The following CDC20B variants were observed in gnomAD, a reference collection of about 807,000 sequenced individuals.
CDC20B encodes the protein cell division cycle 20B, also known as cell division cycle protein 20 homolog B.
CDC20B carries 58 observed loss-of-function variants against 64.1 expected under a neutral mutation model. The observed-to-expected ratio is 0.90, with a 90% CI of 0.73 to 1.13. The LOEUF is 1.13. Ranked by LOEUF, CDC20B falls within the 50% of genes most tolerant of loss-of-function variation. The pLI is 0.00. For synonymous variants in CDC20B, 243 were observed against 230.6 expected, an observed-to-expected ratio of 1.05 and a Z score of -0.49; for missense variants, 597 against 633.0, an observed-to-expected ratio of 0.94 and a Z score of 0.61.
intron 2 of CDC20B, chr5:55,166,216 T>C (rs1385624775): frequency 6.6e-6 from 1 of 152,330 alleles, no homozygotes; most frequent in Non-Finnish European, 1.5e-5. Context: ...GACTCCCCAC[T>C]GCCAGATGGA....
intron 5 of CDC20B, chr5:55,137,490 T>A: frequency 2.2e-6 from 1 of 454,638 alleles, no homozygotes; most frequent in Non-Finnish European, 4.4e-6. Context: ...ATTACTTGGC[T>A]TATGTGGGAT....
intron 11 of CDC20B, among the ~76,000 whole-genome samples, chr5:55,115,167 G>A (rs867836506): frequency 6.6e-5 from 10 of 152,260 alleles, no homozygotes; most frequent in Middle Eastern, 3.4e-3. Flanking sequence ...GCATGCATGA[G>A]CCACACTTAG....
chr5:55,114,136 T>C lies in CDC20B; in HGVS notation c.*82A>G. ...AGTATTTCAACTTGTTTGATACTCA[T>C]AAAAACCCCATGGAGAAGACATAGC... is the stretch of plus-strand genomic sequence containing the variant. On this transcript the variant is annotated 3_prime_UTR_variant, in exon 12 of 12. Transcript: ENST00000381375. This position sits in a 1 kb window ranked among gnomAD's most constrained non-coding sequence, Gnocchi z 4.1. The C allele has an allele frequency of 6.6e-7, 1 of 1,522,904 alleles. No homozygotes were observed. 94.3% of individuals were successfully genotyped at this position (1,522,904 alleles called of 1,614,324 possible).
At chr5:55,119,707 C>G (rs1382971462) in intron 11 of CDC20B, 94 bp downstream of exon 11, 51 of 777,192 alleles carry the variant, frequency 6.6e-5, no homozygotes, top group Non-Finnish European at 1.1e-4. Flanking sequence ...CTTAGAAAAA[C>G]CAGAAGGATA....
At chr5:55,116,705 C>T (rs1450499757) in intron 11 of CDC20B, among the ~76,000 whole-genome samples, 1 of 152,094 alleles carries the variant, frequency 6.6e-6, no homozygotes, top group African/African-American at 2.4e-5. Context: ...GTCTATTCAA[C>T]AAATGTAATA....
At chr5:55,153,763 C>T (rs887799191) in intron 2 of CDC20B, among the ~76,000 whole-genome samples, 1 of 152,140 alleles carries the variant, frequency 6.6e-6, no homozygotes, top group Non-Finnish European at 1.5e-5. Context: ...AAGTCTGGGA[C>T]AAGGGCCAAA....
rs765099025 is a variant in CDC20B at position 55,127,371 on chromosome 5, GAGTTAT to G, written c.895-26_895-21del. The G allele has an allele frequency of 2.5e-6, 4 of 1,596,666 alleles. No individual in the cohort carries two copies. In the African/African-American group the frequency reaches 5.4e-5, roughly 21 times the overall value. On this transcript the variant is annotated intron_variant, in intron 7 of 11. Transcript: ENST00000381375. ...CCATAACTGAAAAAATGAACAAGGA[GAGTTAT>G]GTAGCATTGGAGTTTTCACAGCCCA...
In CDC20B at chr5:55,143,637, C is replaced by T. The variant is rs1297187074; in HGVS notation, c.362G>A (p.Arg121His). 2 of 1,585,286 alleles carry T rather than the reference C, an allele frequency of 1.3e-6. No individual in the cohort carries two copies. The highest frequency in any genetic ancestry group is 1.2e-5 in the South Asian group (1 of 85,932). ...GCTGGGGGTCTTCAGTTGTTCTTTG[C>T]GGGATCCTACAAGAAAGACATTTAT... ...PEKETLTLGSRKEQLKTPSKG... is the reference protein window; with the variant it reads ...PEKETLTLGSHKEQLKTPSKG... Residue 121 changes from arginine to histidine, a missense_variant, in exon 4 of 12, where the codon CGC (arginine) becomes CAC (histidine). Around this residue, in one of 3 missense-constraint regions of CDC20B, gnomAD observed 241 missense variants for 219.2 expected, o/e 1.10. Coordinates refer to ENST00000381375, the MANE Select transcript of CDC20B (RefSeq NM_001170402.1).
At chr5:55,116,295 C>T (rs1742625453) in intron 11 of CDC20B, among the ~76,000 whole-genome samples, 1 of 152,314 alleles carries the variant, frequency 6.6e-6, no homozygotes, top group Admixed American at 6.5e-5. Flanking sequence ...CCCAGCTACT[C>T]AGGAGGGTCA....
intron 11 of CDC20B, among the ~76,000 whole-genome samples, chr5:55,115,554 T>C (rs1023308394): frequency 2.0e-5 from 3 of 152,026 alleles, no homozygotes; most frequent in African/African-American, 7.3e-5. Context: ...CCAAAATAGG[T>C]GAAGCTGACT....
chr5:55,141,083 T>C (rs551546777), intron 4 of CDC20B, among the ~76,000 whole-genome samples: 5 of 152,304 alleles, frequency 3.3e-5, no homozygotes, highest in African/African-American at 9.6e-5. Context: ...AAAGGTCATG[T>C]TGAGGTCTGG....
chr5:55,166,964 A>C (rs1284682166), intron 2 of CDC20B: 2 of 152,198 alleles, frequency 1.3e-5, no homozygotes, highest in Non-Finnish European at 2.9e-5. Context: ...CAGGAGGCTG[A>C]GGTTGCAATG....
chr5:55,133,631 G>A (rs1446699083), intron 5 of CDC20B, 103 bp from the exon 6 acceptor site: 2 of 529,998 alleles, frequency 3.8e-6, no homozygotes, highest in Non-Finnish European at 6.4e-6. Context: ...GCTTAATTAA[G>A]TGGAAAATAA....
At chr5:55,161,393 T>G in intron 2 of CDC20B, 1 of 817,506 alleles carries the variant, frequency 1.2e-6, no homozygotes, top group Non-Finnish European at 1.9e-6. Context: ...AGCCAGAATC[T>G]CATCCTTTGT....
chr5:55,153,740 A>G (rs1410436374), intron 2 of CDC20B, among the ~76,000 whole-genome samples: 1 of 152,256 alleles, frequency 6.6e-6, no homozygotes, highest in Non-Finnish European at 1.5e-5. Flanking sequence ...AGGACAGAAT[A>G]GAATTCAGAA....
At chr5:55,133,914 T>C (rs531777887) in intron 5 of CDC20B, among the ~76,000 whole-genome samples, 2 of 152,310 alleles carry the variant, frequency 1.3e-5, no homozygotes, top group Non-Finnish European at 1.5e-5. Flanking sequence ...GGTACACCTA[T>C]GCCCTACTCT....
At position 55,124,917 on chromosome 5, in the gene CDC20B, G is replaced by T. The variant is rs746734221; in HGVS notation, c.1101C>A (p.Gly367=). Residue 367 remains glycine (G), a synonymous_variant, in exon 9 of 12, where the codon GGC becomes GGA. Transcript: ENST00000381375. ...AVCALKWSPD[G]RLLSSGCSDG... is the part of the protein sequence containing the mutation. Reference sequence around the variant, plus strand: ...CACTGCAGCCGCTGGAAAGCAGCCTGCCATCCGGTGACCACTTCAGAGCAC... The same window carrying T: ...CACTGCAGCCGCTGGAAAGCAGCCTTCCATCCGGTGACCACTTCAGAGCAC... 6.2e-6 allele frequency: 10 copies of T among 1,614,178 alleles called. No individual in the cohort carries two copies. The highest frequency in any genetic ancestry group is 7.6e-6 in the Non-Finnish European group (9 of 1,180,014).
intron 9 of CDC20B, 80 bp downstream of exon 9, chr5:55,124,723 A>T: frequency 8.5e-7 from 1 of 1,172,838 alleles, no homozygotes; most frequent in Non-Finnish European, 1.2e-6. Flanking sequence ...ATATTGGCTT[A>T]ATGATTTTCT....
chr5:55,118,102 G>C (rs1273324252), intron 11 of CDC20B, among the ~76,000 whole-genome samples: 1 of 152,150 alleles, frequency 6.6e-6, no homozygotes, highest in African/African-American at 2.4e-5. Flanking sequence ...CTAGGCAACA[G>C]AGTGAGACTC....
Sources: allele counts gnomAD v4.1 joint callset (sites outside exome capture counted in the v4.1 genomes callset), GRCh38; gene constraint gnomAD v4.1.1; regional missense constraint gnomAD v4.1.1; non-coding constraint Gnocchi (gnomAD v3.1); transcripts MANE v1.5; gene names NCBI Gene and HGNC (gene_info 2026-07-23, HGNC 2026-07-21).